SLC25A48: variants seen among roughly 807,000 people sequenced by gnomAD.
SLC25A48 encodes solute carrier family 25 member 48, also known as CTC-321K16.1.
A neutral mutation model predicts 32.2 loss-of-function variants in SLC25A48; 29 were observed. That is an observed-to-expected ratio of 0.90 (90% CI 0.67 to 1.23). SLC25A48 has a LOEUF of 1.23. Among genes scored for constraint, SLC25A48 ranks in the 50% most tolerant of loss-of-function variants. The pLI is 0.00. For missense variants in SLC25A48, 399 were observed against 422.7 expected, an observed-to-expected ratio of 0.94 and a Z score of 0.49; for synonymous variants, 164 against 172.3, an observed-to-expected ratio of 0.95 and a Z score of 0.38.
At chr5:135,780,733 T>C (rs1756698887) in intron 3 of SLC25A48, among the ~76,000 whole-genome samples, 1 of 115,928 alleles carries the variant, frequency 8.6e-6, no homozygotes, top group Non-Finnish European at 2.1e-5. Context: ...GATGATATTA[T>C]ACCCAAAATT....
chr5:135,626,723 G>T (rs147967042), intron 1 of SLC25A48, among the ~76,000 whole-genome samples: 45 of 152,248 alleles, frequency 3.0e-4, no homozygotes, highest in South Asian at 4.2e-4. Context: ...AGTTCAGGTC[G>T]ACTATATCAT....
intron 2 of SLC25A48, among the ~76,000 whole-genome samples, chr5:135,843,498 G>A (rs1455607419): frequency 6.6e-6 from 1 of 152,188 alleles, no homozygotes; most frequent in Non-Finnish European, 1.5e-5. Context: ...ACAATAATTA[G>A]GGAACACAAC....
chr5:135,850,929 A>G (rs1346711671), intron 3 of SLC25A48, among the ~76,000 whole-genome samples: 1 of 152,206 alleles, frequency 6.6e-6, no homozygotes, highest in Non-Finnish European at 1.5e-5. Context: ...ACTTTAGACC[A>G]TGCGACCTGA....
intron 3 of SLC25A48, among the ~76,000 whole-genome samples, chr5:135,701,136 C>T (rs2126966339): frequency 6.6e-6 from 1 of 152,264 alleles, no homozygotes; most frequent in African/African-American, 2.4e-5. Flanking sequence ...ACCCATCTTC[C>T]TCAGAGTGTG....
At chr5:135,785,235 G>A (rs62364663) in intron 3 of SLC25A48, among the ~76,000 whole-genome samples, 3 of 152,070 alleles carry the variant, frequency 2.0e-5, no homozygotes, top group African/African-American at 4.8e-5. Flanking sequence ...CCCATAGATC[G>A]TAATGTCCGG....
rs547130166 is a variant in SLC25A48, at chr5:135,642,938, A to C, written c.-521+7982A>C. The stretch of plus-strand genomic sequence containing the variant: ...ACATCACTTATGGCTTCTGCAAAGA[A>C]ATTGAGAGACTATCTCACACATAGG... On this transcript the variant is annotated intron_variant, in intron 3 of 10. Transcript: ENST00000646290. Among the ~76,000 whole-genome samples, 3 of 152,334 alleles carry C rather than the reference A, an allele frequency of 2.0e-5. No homozygotes were observed. The East Asian group carries it at 5.8e-4, about 29-fold the overall frequency.
chr5:135,757,185 TAA>T (rs1405428679), intron 3 of SLC25A48, among the ~76,000 whole-genome samples: 1 of 150,072 alleles, frequency 6.7e-6, no homozygotes, highest in Non-Finnish European at 1.5e-5. Flanking sequence ...TGTCTAGTGT[TAA>T]CACATTATAT....
chr5:135,632,059 G>A (rs1053235494), intron 2 of SLC25A48, among the ~76,000 whole-genome samples: 1 of 152,240 alleles, frequency 6.6e-6, no homozygotes, highest in Non-Finnish European at 1.5e-5. Context: ...TGAAAGAGGT[G>A]TGTAAGGCTA....
At chr5:135,624,053 G>T (rs541812840) in intron 1 of SLC25A48, among the ~76,000 whole-genome samples, 5 of 152,144 alleles carry the variant, frequency 3.3e-5, no homozygotes, top group Non-Finnish European at 5.9e-5. Context: ...GGGTGGGAGC[G>T]GGGGGTTGGT....
chr5:135,665,379 G>C (rs1402849389), intron 3 of SLC25A48, among the ~76,000 whole-genome samples: 1 of 151,944 alleles, frequency 6.6e-6, no homozygotes, highest in Non-Finnish European at 1.5e-5. Flanking sequence ...TGGATTGTCT[G>C]TTTACTCTGA....
At chr5:135,817,049 G>A (rs142301930) in intron 4 of SLC25A48, among the ~76,000 whole-genome samples, 7 of 152,206 alleles carry the variant, frequency 4.6e-5, no homozygotes, top group Non-Finnish European at 8.8e-5. Flanking sequence ...ATTTTAGAAA[G>A]AGCAAAGTTG....
chr5:135,717,682 G>T (rs972209998), intron 3 of SLC25A48, among the ~76,000 whole-genome samples: 9 of 152,088 alleles, frequency 5.9e-5, no homozygotes, highest in African/African-American at 2.2e-4. Flanking sequence ...TACAAGCCAA[G>T]AACTCCAAGG....
At chr5:135,672,686 C>A (rs938060558) in intron 3 of SLC25A48, among the ~76,000 whole-genome samples, 1 of 152,064 alleles carries the variant, frequency 6.6e-6, no homozygotes, top group African/African-American at 2.4e-5. Context: ...GTAGTTTTTG[C>A]AAAAGTTATT....
chr5:135,767,339 A>G (rs1415232198), intron 3 of SLC25A48, among the ~76,000 whole-genome samples: 1 of 151,924 alleles, frequency 6.6e-6, no homozygotes, highest in Admixed American at 6.6e-5. Flanking sequence ...CTCGCCTGTT[A>G]CATGCTTCGG....
chr5:135,772,185 G>A (rs1227642051), intron 3 of SLC25A48, among the ~76,000 whole-genome samples: 1 of 151,374 alleles, frequency 6.6e-6, no homozygotes, highest in East Asian at 1.9e-4. Context: ...TAATACCCAG[G>A]GTGTGAGAGG....
intron 3 of SLC25A48, among the ~76,000 whole-genome samples, chr5:135,776,930 A>G (rs1289960316): frequency 6.6e-6 from 1 of 151,994 alleles, no homozygotes; most frequent in African/African-American, 2.4e-5. Flanking sequence ...GGGGCTGCAC[A>G]GGCTCCCTGT....
intron 3 of SLC25A48, among the ~76,000 whole-genome samples, chr5:135,694,296 C>G (rs1005012988): frequency 6.6e-6 from 1 of 152,224 alleles, no homozygotes; most frequent in Non-Finnish European, 1.5e-5. Context: ...CTTCCAGAGG[C>G]CCCATCCTAG....
At chr5:135,663,813 C>T (rs1358116249) in intron 3 of SLC25A48, among the ~76,000 whole-genome samples, 1 of 152,130 alleles carries the variant, frequency 6.6e-6, no homozygotes, top group Non-Finnish European at 1.5e-5. Flanking sequence ...CCTGGGAGTC[C>T]TTTTGGCCTC....
At chr5:135,631,568 G>T (rs1370012761) in intron 2 of SLC25A48, among the ~76,000 whole-genome samples, 1 of 152,200 alleles carries the variant, frequency 6.6e-6, no homozygotes, top group Non-Finnish European at 1.5e-5. Flanking sequence ...AAAGCTGAAA[G>T]CTCCAGGGTG....
Sources: gnomAD v4.1 joint callset for allele counts (sites outside exome capture counted in the v4.1 genomes callset) on GRCh38, gnomAD v4.1.1 for gene constraint, MANE v1.5 for transcripts, NCBI Gene and HGNC (gene_info 2026-07-23, HGNC 2026-07-21) for gene names.